KLHL3: variants seen among roughly 807,000 people sequenced by gnomAD.
KLHL3 encodes kelch like family member 3, also known as kelch-like protein 3.
A neutral mutation model predicts 70.5 loss-of-function variants in KLHL3; 19 were observed. The observed-to-expected ratio is 0.27, with a 90% CI of 0.19 to 0.40. KLHL3 has a LOEUF of 0.40. Ranked by LOEUF, KLHL3 falls within the 10% of genes least tolerant of loss-of-function variation. KLHL3 has a pLI of 1.00. For missense variants in KLHL3, 512 were observed against 771.1 expected, an observed-to-expected ratio of 0.66 and a Z score of 3.98; for synonymous variants, 258 against 290.3, an observed-to-expected ratio of 0.89 and a Z score of 1.13.
chr5:137,645,021 A>G (rs1222392080), intron 8 of KLHL3, among the ~76,000 whole-genome samples: 1 of 152,252 alleles, frequency 6.6e-6, no homozygotes, highest in Admixed American at 6.5e-5. Flanking sequence ...ACACAAATCA[A>G]TAAAAACGAT....
In KLHL3 at chr5:137,637,415, T is replaced by C. The variant is rs1335656655; in HGVS notation, c.1220-20A>G. ...CTAGGCCTGGGAGACAAGAGACTCA[T>C]GAGACTTCCGTGGCACCAGGCCTCA... On this transcript the variant is annotated intron_variant, in intron 10 of 14. Coordinates refer to ENST00000309755, the MANE Select transcript of KLHL3 (RefSeq NM_017415.3). The C allele has an allele frequency of 1.2e-6, 2 of 1,608,362 alleles. No individual in the cohort carries two copies. Among genetic ancestry groups the C allele is most frequent in the Non-Finnish European group, 1.7e-6 (2 of 1,175,078 alleles).
chr5:137,674,342 C>A (rs1751833643), intron 6 of KLHL3, among the ~76,000 whole-genome samples: 1 of 152,130 alleles, frequency 6.6e-6, no homozygotes, highest in South Asian at 2.1e-4. Context: ...TACATACATT[C>A]TTGTGGGAGA....
Position 137,706,197 on chromosome 5 carries a change from A to G in KLHL3, c.241+3553T>C, listed in dbSNP as rs1029392452. The G allele has an allele frequency of 1.0e-5, 10 of 985,272 alleles. No individual in the cohort carries two copies. In the African/African-American group the frequency reaches 1.6e-4, roughly 15 times the overall value. 61.0% of individuals were successfully genotyped at this position (985,272 alleles called of 1,614,324 possible). A position where few individuals can be genotyped will look rare whatever the true frequency, so the allele number is the denominator to read the frequency against. ...ATTTAAGCTTGAGTAAAAGACCATA[A>G]TCACACAACTCAAGTCAGAAGAAAG... On this transcript the variant is annotated intron_variant, in intron 3 of 14. Transcript: ENST00000309755.
chr5:137,673,092 CT>C (rs1241353626), intron 6 of KLHL3, among the ~76,000 whole-genome samples: 1 of 152,146 alleles, frequency 6.6e-6, no homozygotes, highest in African/African-American at 2.4e-5. Flanking sequence ...AATCAAGAAC[CT>C]GGAGATTCAT....
intron 1 of KLHL3, chr5:137,724,906 A>C (rs1456169458): frequency 4.1e-6 from 1 of 242,830 alleles, no homozygotes; most frequent in Non-Finnish European, 6.6e-6. Context: ...GGTATCCTGT[A>C]CTTGAAGCTC....
intron 3 of KLHL3, among the ~76,000 whole-genome samples, chr5:137,698,931 A>C (rs902129463): frequency 6.6e-6 from 1 of 152,196 alleles, no homozygotes; most frequent in East Asian, 1.9e-4. Context: ...TCCTCACAAC[A>C]ACCTTGAGGT....
chr5:137,723,857 G>A (rs752211692), intron 1 of KLHL3, among the ~76,000 whole-genome samples: 11 of 152,158 alleles, frequency 7.2e-5, no homozygotes, highest in Non-Finnish European at 1.5e-5. Context: ...CAGGATTTTT[G>A]TAAATGATTT....
At chr5:137,684,811 C>A (rs1752123685) in intron 5 of KLHL3, among the ~76,000 whole-genome samples, 1 of 152,248 alleles carries the variant, frequency 6.6e-6, no homozygotes, top group African/African-American at 2.4e-5. Flanking sequence ...CCCAGGAAGA[C>A]TGTGATGCCA....
At chr5:137,658,535 G>A (rs2149896141) in intron 7 of KLHL3, among the ~76,000 whole-genome samples, 1 of 152,300 alleles carries the variant, frequency 6.6e-6, no homozygotes, top group Middle Eastern at 3.4e-3. Context: ...TCTGTAAAAT[G>A]GGCATATTAA....
chr5:137,680,270 G>A (rs1318652563), intron 5 of KLHL3, among the ~76,000 whole-genome samples: 1 of 152,168 alleles, frequency 6.6e-6, no homozygotes, highest in African/African-American at 2.4e-5. Context: ...GGAGAATGTA[G>A]TAAAGAGCCT....
intron 8 of KLHL3, among the ~76,000 whole-genome samples, chr5:137,640,805 A>T (rs1750896058): frequency 6.6e-6 from 1 of 152,252 alleles, no homozygotes. Context: ...TTGTCAAAAC[A>T]CAGGTCGCTT....
At position 137,716,344 on chromosome 5, in the gene KLHL3, A is replaced by ATGTT. The variant is rs57002774; in HGVS notation, c.134+4117_134+4120dup. On this transcript the variant is annotated intron_variant, in intron 2 of 14. Coordinates refer to ENST00000309755, the MANE Select transcript of KLHL3 (RefSeq NM_017415.3). ...AAACTCCAATGCCCAACTAAGGCAT[A>ATGTT]TGTTTGTTTGTTTGTTTGTTTGTTT... Among the ~76,000 whole-genome samples, 539 of 150,598 alleles carry ATGTT rather than the reference A, an allele frequency of 3.6e-3. 8 individuals are homozygous for ATGTT. In the East Asian group the frequency reaches 0.042, roughly 12 times the overall value.
At chr5:137,727,234 T>C (rs1365334989) in intron 1 of KLHL3, among the ~76,000 whole-genome samples, 1 of 152,026 alleles carries the variant, frequency 6.6e-6, no homozygotes, top group Admixed American at 6.6e-5. Context: ...TCCCTCTCTC[T>C]CTCTCTCACT....
chr5:137,628,068 C>T (rs2349008), intron 13 of KLHL3: 2 of 548,134 alleles, frequency 3.6e-6, no homozygotes, highest in Non-Finnish European at 6.5e-6. Flanking sequence ...CCCTTCACTG[C>T]GGGGAAAGGG....
At chr5:137,678,795 A>G (rs1175305717) in intron 5 of KLHL3, among the ~76,000 whole-genome samples, 1 of 151,826 alleles carries the variant, frequency 6.6e-6, no homozygotes, top group Non-Finnish European at 1.5e-5. Context: ...ATTGAGTTAT[A>G]AACAATATTT....
At chr5:137,682,092 C>T (rs1267256322) in intron 5 of KLHL3, among the ~76,000 whole-genome samples, 2 of 151,916 alleles carry the variant, frequency 1.3e-5, no homozygotes, top group African/African-American at 2.4e-5. Context: ...TACTAGCTAA[C>T]ACCATTCTAA....
At chr5:137,651,246 T>C (rs1475650733) in intron 8 of KLHL3, among the ~76,000 whole-genome samples, 1 of 152,216 alleles carries the variant, frequency 6.6e-6, no homozygotes, top group Non-Finnish European at 1.5e-5. Flanking sequence ...TACAGTTGCG[T>C]AGAGGAGCTA....
chr5:137,710,705 A>C (rs1048904649), intron 2 of KLHL3, among the ~76,000 whole-genome samples: 2 of 152,224 alleles, frequency 1.3e-5, no homozygotes. Context: ...CATTCTTCTA[A>C]GCTCTTATCA....
chr5:137,703,292 C>A (rs1172907935), intron 3 of KLHL3, among the ~76,000 whole-genome samples: 1 of 152,100 alleles, frequency 6.6e-6, no homozygotes, highest in East Asian at 1.9e-4. Context: ...AAATCCTTAC[C>A]CTTTGCGCAA....
Sources: allele counts gnomAD v4.1 joint callset (sites outside exome capture counted in the v4.1 genomes callset), GRCh38; gene constraint gnomAD v4.1.1; transcripts MANE v1.5; gene names NCBI Gene and HGNC (gene_info 2026-07-23, HGNC 2026-07-21).